Variants in SLC15A3 observed in about 807,000 individuals in gnomAD.
SLC15A3 encodes the protein osteoclast transporter.
A neutral mutation model predicts 49.2 loss-of-function variants in SLC15A3; 39 were observed. That is an observed-to-expected ratio of 0.79 (90% CI 0.61 to 1.04). The LOEUF (loss-of-function observed/expected upper bound fraction) is 1.04. Among genes scored for constraint, SLC15A3 ranks in the 50% least tolerant of loss-of-function variants. The pLI, the probability that SLC15A3 is intolerant of heterozygous loss-of-function variation, is 0.00. For missense variants in SLC15A3, 758 were observed against 794.8 expected, an observed-to-expected ratio of 0.95 and a Z score of 0.56; for synonymous variants, 339 against 367.0, an observed-to-expected ratio of 0.92 and a Z score of 0.87.
In SLC15A3 at chr11:60,937,397, TG is replaced by T. The variant is rs775288878; in HGVS notation, c.1592-25del. The T allele has an allele frequency of 9.3e-6, 15 of 1,613,680 alleles. No individual in the cohort carries two copies. In the East Asian group the frequency reaches 3.1e-4, roughly 34 times the overall value. On this transcript the variant is annotated intron_variant, in intron 7 of 7. Coordinates refer to ENST00000227880, the MANE Select transcript of SLC15A3 (RefSeq NM_016582.3). The stretch of plus-strand genomic sequence containing the variant: ...CCCTGGGGAAAGGAGGGGTTAGATT[TG>T]GGTCAGGACAGGGATCCTCTGTCTT...
At chr11:60,941,709 G>A (rs1856710506) in intron 4 of SLC15A3, 1 of 343,462 alleles carries the variant, frequency 2.9e-6, no homozygotes, top group Middle Eastern at 8.8e-4. Flanking sequence ...GGTATCTAAG[G>A]GTCCCAGAGA....
In SLC15A3 at chr11:60,939,570, C is replaced by A. The variant is rs773963568; in HGVS notation, c.1345G>T (p.Val449Phe). 3 of 1,614,180 alleles carry A rather than the reference C, an allele frequency of 1.9e-6. No homozygotes were observed. Among genetic ancestry groups the A allele is most frequent in the East Asian group, 2.2e-5 (1 of 44,884 alleles). ...NETVSQQIGE[V>F]LYNAAPLSIW... is the part of the protein sequence containing the mutation. ...GACAGTGGTGCCGCGTTGTACAGGACCTCCCCAATCTGCTGGGACACGGTC... is the reference window on the plus strand; with the variant it reads ...GACAGTGGTGCCGCGTTGTACAGGAACTCCCCAATCTGCTGGGACACGGTC... The change falls in exon 6 of 8, where the codon GTC becomes TTC. Residue 449 changes from valine (V) to phenylalanine (F), a missense_variant. Physicochemically the swap from Val to Phe is conservative, Grantham distance 50. Coordinates refer to ENST00000227880, the MANE Select transcript of SLC15A3 (RefSeq NM_016582.3).
At chr11:60,939,270 T>C (rs1194487928) in intron 6 of SLC15A3, among the ~76,000 whole-genome samples, 5 of 152,148 alleles carry the variant, frequency 3.3e-5, no homozygotes, top group African/African-American at 1.2e-4. Context: ...CTTGCTCGCC[T>C]CCAAATCCCC....
intron 1 of SLC15A3, among the ~76,000 whole-genome samples, chr11:60,948,365 A>C (rs1329603994): frequency 6.6e-6 from 1 of 152,254 alleles, no homozygotes; most frequent in Non-Finnish European, 1.5e-5. Context: ...CTAAGGGGGA[A>C]GACCAGGCAG....
rs746692063 is a variant in SLC15A3, at chr11:60,937,280, C to T, written c.1685G>A (p.Arg562His). ...TALLFVWIAG[R>H]YERASQGPAS... Reference sequence around the variant, plus strand: ...TGGGCCCTGGGACGCCCTCTCATAGCGTCCAGCGATCCAGACAAATAGGAG... The same window carrying T: ...TGGGCCCTGGGACGCCCTCTCATAGTGTCCAGCGATCCAGACAAATAGGAG... The change falls in exon 8 of 8, where the codon CGC (arginine) becomes CAC (histidine). Residue 562 changes from arginine (R) to histidine (H), a missense_variant. This residue lies in a region of SLC15A3 where 699 missense variants were observed against 706.7 expected (regional missense o/e 0.99). Coordinates refer to ENST00000227880, the MANE Select transcript of SLC15A3 (RefSeq NM_016582.3). The T allele has an allele frequency of 4.3e-6, 7 of 1,614,164 alleles. No homozygotes were observed. Among genetic ancestry groups the T allele is most frequent in the Non-Finnish European group, 5.1e-6 (6 of 1,180,030 alleles).
In SLC15A3 at chr11:60,951,123, G is replaced by A; in HGVS notation, c.429C>T (p.Cys143=). 1 of 1,484,064 alleles carries A rather than the reference G, an allele frequency of 6.7e-7. No homozygotes were observed. The highest frequency in any genetic ancestry group is 8.9e-7 in the Non-Finnish European group (1 of 1,126,452). 91.9% of individuals were successfully genotyped at this position (1,484,064 alleles called of 1,614,324 possible). A position where few individuals can be genotyped will look rare whatever the true frequency, so the allele number is the denominator to read the frequency against. ...EMPASPLGPA[C]PSAGCPRSSP... The stretch of plus-strand genomic sequence containing the variant: ...AGGAGCGCGGGCAGCCGGCCGAGGG[G>A]CAGGCAGGTCCCAGCGGCGACGCGG... The change falls in exon 1 of 8, where the codon TGC becomes TGT. Residue 143 remains cysteine, a synonymous_variant. Coordinates refer to ENST00000227880, the MANE Select transcript of SLC15A3 (RefSeq NM_016582.3).
At position 60,942,095 on chromosome 11, in the gene SLC15A3, A is replaced by T. The variant is rs1320327527; in HGVS notation, c.1047T>A (p.Ile349=). 9.3e-6 allele frequency: 15 copies of T among 1,613,892 alleles called. No homozygotes were observed. The highest frequency in any genetic ancestry group is 1.3e-5 in the Non-Finnish European group (15 of 1,179,960). Residue 349 remains isoleucine, a synonymous_variant, in exon 4 of 8, where the codon ATT becomes ATA. Coordinates refer to ENST00000227880, the MANE Select transcript of SLC15A3 (RefSeq NM_016582.3). The part of the protein sequence containing the change: ...LQGLHLHIPN[I]FPANPANISV... ...AGATGTTGGCCGGGTTGGCTGGGAAAATGTTTGGGATGTGGAGGTGAAGAC... is the reference window on the plus strand; with the variant it reads ...AGATGTTGGCCGGGTTGGCTGGGAATATGTTTGGGATGTGGAGGTGAAGAC...
chr11:60,939,559 G>C lies in SLC15A3; in HGVS notation c.1356C>G (p.Asn452Lys), dbSNP rs147719580. Residue 452 changes from asparagine to lysine, a missense_variant, in exon 6 of 8, where the codon AAC (asparagine) becomes AAG (lysine). Asn to Lys is a moderately conservative substitution (Grantham distance 94). Transcript: ENST00000227880. The stretch of plus-strand genomic sequence containing the variant: ...GCCACCAGATGGACAGTGGTGCCGC[G>C]TTGTACAGGACCTCCCCAATCTGCT... The part of the protein sequence containing the change: ...VSQQIGEVLY[N>K]AAPLSIWWQI... 5.0e-6 allele frequency: 8 copies of C among 1,614,198 alleles called. No homozygotes were observed. The highest frequency in any genetic ancestry group is 1.1e-5 in the South Asian group (1 of 91,086).
At position 60,951,673 on chromosome 11, in the gene SLC15A3, T is replaced by A. The variant is rs1856927524; in HGVS notation, c.-122A>T. The A allele has an allele frequency of 2.6e-6, 2 of 778,730 alleles. No homozygotes were observed. The highest frequency in any genetic ancestry group is 3.9e-5 in the African/African-American group (2 of 51,496). The allele number at this position is 778,730 out of a possible 1,614,324, so 48.2% of individuals were successfully genotyped here. A position where few individuals can be genotyped will look rare whatever the true frequency, so the allele number is the denominator to read the frequency against. ...CACCCAACTGGCTGGCCCTCCTTTCTCACCGCTTTGGCCCACCCTTCCCTC... is the reference window on the plus strand; with the variant it reads ...CACCCAACTGGCTGGCCCTCCTTTCACACCGCTTTGGCCCACCCTTCCCTC... On this transcript the variant is annotated 5_prime_UTR_variant, in exon 1 of 8. Transcript: ENST00000227880.
At position 60,951,023 on chromosome 11, in the gene SLC15A3, T is replaced by C. The variant is rs1248119906; in HGVS notation, c.529A>G (p.Ser177Gly). ...TCGGCACCGAAGGAGGTGAGGTTGC[T>C]CCGGACGGAGCTGGCGGCCAGGCCG... Reference protein sequence around the residue: ...LLGLAASSVRSNLTSFGADQV... With the variant: ...LLGLAASSVRGNLTSFGADQV... Residue 177 changes from serine (S) to glycine (G), a missense_variant, in exon 1 of 8, where the codon AGC (serine) becomes GGC (glycine). Physicochemically the swap from Ser to Gly is moderately conservative, Grantham distance 56. Around this residue, in one of 3 missense-constraint regions of SLC15A3, gnomAD observed 699 missense variants for 706.7 expected, o/e 0.99. Coordinates refer to ENST00000227880, the MANE Select transcript of SLC15A3 (RefSeq NM_016582.3). 6.7e-7 allele frequency: 1 copy of C among 1,494,056 alleles called. No individual in the cohort carries two copies. Among genetic ancestry groups the C allele is most frequent in the African/African-American group, 1.5e-5 (1 of 68,492 alleles). The allele number at this position is 1,494,056 out of a possible 1,614,324, so 92.5% of individuals were successfully genotyped here. A position where few individuals can be genotyped will look rare whatever the true frequency, so the allele number is the denominator to read the frequency against.
chr11:60,941,369 A>C, intron 4 of SLC15A3, 79 bp from the exon 5 acceptor site: 1 of 1,467,830 alleles, frequency 6.8e-7, no homozygotes, highest in Non-Finnish European at 9.2e-7. Context: ...TGGACTCTAG[A>C]CTGGCCCTGG....
intron 3 of SLC15A3, chr11:60,943,042 G>C (rs1182533468): frequency 6.6e-6 from 1 of 151,930 alleles, no homozygotes; most frequent in Non-Finnish European, 1.5e-5. Flanking sequence ...GAAGACAATA[G>C]TTCTCAACTC....
At chr11:60,941,945 G>A (rs1285127439) in intron 4 of SLC15A3, 90 bp downstream of exon 4, 2 of 1,254,528 alleles carry the variant, frequency 1.6e-6, no homozygotes, top group African/African-American at 1.5e-5. Flanking sequence ...GCAGGAAAGG[G>A]GAGTGTGAAG....
chr11:60,949,565 A>AAAGAAAGAAAGAG (rs1856877454), intron 1 of SLC15A3, among the ~76,000 whole-genome samples: 1 of 35,118 alleles, frequency 2.8e-5, no homozygotes, highest in Non-Finnish European at 1.3e-4. Context: ...AGAAAGAAAG[A>AAAGAAAGAAAGAG]AAGAAAAGAG....
chr11:60,949,043 C>T (rs75072686), intron 1 of SLC15A3, among the ~76,000 whole-genome samples: 2,505 of 152,174 alleles, frequency 0.016, 31 homozygotes, highest in Middle Eastern at 0.055. Flanking sequence ...AAGTAAGAAA[C>T]GGTCAGGGCT....
At chr11:60,947,326 C>T (rs988005303) in intron 1 of SLC15A3, among the ~76,000 whole-genome samples, 3 of 152,074 alleles carry the variant, frequency 2.0e-5, no homozygotes, top group Admixed American at 2.0e-4. Context: ...ACTACAGGCA[C>T]CTGCCACCAC....
chr11:60,950,626 A>AG (rs1470462810), intron 1 of SLC15A3, among the ~76,000 whole-genome samples: 2 of 151,674 alleles, frequency 1.3e-5, no homozygotes, highest in Non-Finnish European at 2.9e-5. Flanking sequence ...TTAAAAAAAA[A>AG]AAAAAATTAC....
At chr11:60,948,612 C>T (rs2428462) in intron 1 of SLC15A3, among the ~76,000 whole-genome samples, 22,680 of 150,712 alleles carry the variant, frequency 0.15, 4,492 homozygotes, top group African/African-American at 0.46. Context: ...ATGCTATCTA[C>T]ACTGCAGCCG....
At position 60,937,291 on chromosome 11, in the gene SLC15A3, C is replaced by G. The variant is rs1856630935; in HGVS notation, c.1674G>C (p.Trp558Cys). 2.5e-6 allele frequency: 4 copies of G among 1,614,158 alleles called. No individual in the cohort carries two copies. The Admixed American group carries it at 6.7e-5, about 27-fold the overall frequency. The change falls in exon 8 of 8, where the codon TGG (tryptophan) becomes TGC (cysteine). Residue 558 changes from tryptophan (W) to cysteine (C), a missense_variant. By Grantham distance (215) the Trp-to-Cys change is radical (BLOSUM62 -2). Coordinates refer to ENST00000227880, the MANE Select transcript of SLC15A3 (RefSeq NM_016582.3). ...ACGCCCTCTCATAGCGTCCAGCGAT[C>G]CAGACAAATAGGAGAGCCGTGACGG... is the stretch of plus-strand genomic sequence containing the variant. ...IQAVTALLFV[W>C]IAGRYERASQ...
Sources: allele counts gnomAD v4.1 joint callset (sites outside exome capture counted in the v4.1 genomes callset), GRCh38; gene constraint gnomAD v4.1.1; regional missense constraint gnomAD v4.1.1; transcripts MANE v1.5; gene names NCBI Gene and HGNC (gene_info 2026-07-23, HGNC 2026-07-21).